Variants in FABP7 observed in about 807,000 individuals in gnomAD.
FABP7 encodes the protein fatty acid-binding protein, brain.
A neutral mutation model predicts 14.2 loss-of-function variants in FABP7; 13 were observed. The observed-to-expected ratio is 0.91, with a 90% CI of 0.59 to 1.45. FABP7 has a LOEUF of 1.45. FABP7 is among the 40% of genes most tolerant of loss of function. The probability of loss-of-function intolerance (pLI) is 0.00; values close to 1 mark genes in which losing one functional copy is unlikely to be tolerated. For synonymous variants in FABP7, 49 were observed against 51.4 expected, an observed-to-expected ratio of 0.95 and a Z score of 0.20; for missense variants, 149 against 157.6, an observed-to-expected ratio of 0.95 and a Z score of 0.29.
In FABP7 at chr6:122,780,454, A is replaced by G; in HGVS notation, c.237A>G (p.Arg79=). 3 of 1,612,102 alleles carry G rather than the reference A, an allele frequency of 1.9e-6. No individual in the cohort carries two copies. Among genetic ancestry groups the G allele is most frequent in the Non-Finnish European group, 2.5e-6 (3 of 1,179,556 alleles). ...TTGATGAAACCACTGCAGATGATAG[A>G]AACTGTAAGGTGAGAAACTGCTTCT... is the stretch of plus-strand genomic sequence containing the variant. ...EEFDETTADD[R]NCKSVVSLDG... The change falls in exon 2 of 4, where the codon AGA becomes AGG. Residue 79 remains arginine (R), a synonymous_variant. Coordinates refer to ENST00000368444, the MANE Select transcript of FABP7 (RefSeq NM_001446.5).
the FABP7 span, among the ~76,000 whole-genome samples, chr6:122,750,855 G>A: frequency 6.6e-6 from 1 of 152,336 alleles, no homozygotes; most frequent in South Asian, 2.1e-4. Flanking sequence ...AAAGTTGAGA[G>A]ACTACGCTGA....
chr6:122,782,671 T>G (rs914799231), intron 3 of FABP7: 1 of 985,304 alleles, frequency 1.0e-6, no homozygotes, highest in Non-Finnish European at 1.2e-6. Context: ...ATGCTTTACA[T>G]AGTCCTTGTA....
the FABP7 span, among the ~76,000 whole-genome samples, chr6:122,758,747 C>T: frequency 1.3e-5 from 2 of 152,110 alleles, no homozygotes; most frequent in Admixed American, 1.3e-4. Flanking sequence ...CTTATGTCAT[C>T]TTCATCTCAT....
At chr6:122,760,129 C>T in the FABP7 span, among the ~76,000 whole-genome samples, 1 of 152,014 alleles carries the variant, frequency 6.6e-6, no homozygotes, top group Non-Finnish European at 1.5e-5. Context: ...ATTTACATAC[C>T]ATAATTGTAC....
At chr6:122,774,359 C>CAAAA in the FABP7 span, among the ~76,000 whole-genome samples, 34 of 66,638 alleles carry the variant, frequency 5.1e-4, 3 homozygotes, top group African/African-American at 2.1e-3. Flanking sequence ...TAGACTCTGT[C>CAAAA]AAAAAAAAAA....
upstream of FABP7, among the ~76,000 whole-genome samples, chr6:122,778,029 T>C (rs1157681152): frequency 6.6e-6 from 1 of 152,106 alleles, no homozygotes; most frequent in East Asian, 1.9e-4. Context: ...CTTCCATGTA[T>C]TGATTTACGT....
At chr6:122,779,332 T>A (rs1320127789), upstream of FABP7, 1 of 162,408 alleles carries the variant, frequency 6.2e-6, no homozygotes, top group Non-Finnish European at 1.4e-5. Context: ...TTAACGGAAA[T>A]CAATCTGAAT....
At chr6:122,779,699 G>T (rs1393081569), upstream of FABP7, 7 of 1,153,104 alleles carry the variant, frequency 6.1e-6, no homozygotes, top group East Asian at 1.7e-4. Flanking sequence ...AAGAAGGCAG[G>T]AGCTGCTTGC....
At chr6:122,751,985 G>A in the FABP7 span, among the ~76,000 whole-genome samples, 1 of 152,004 alleles carries the variant, frequency 6.6e-6, no homozygotes, top group African/African-American at 2.4e-5. Context: ...ATTCTCTCAG[G>A]CCCATTGTTT....
chr6:122,767,541 G>A, the FABP7 span, among the ~76,000 whole-genome samples: 97,499 of 151,956 alleles, frequency 0.64, 34,389 homozygotes, highest in Non-Finnish European at 0.82. Flanking sequence ...ATATTCAAAA[G>A]TGAATTTAAA....
upstream of FABP7, chr6:122,779,485 A>G: frequency 6.0e-6 from 2 of 332,442 alleles, no homozygotes; most frequent in Non-Finnish European, 5.6e-6. Context: ...TTTCTCAGGC[A>G]TAAGGGCTGT....
chr6:122,781,649 T>G (rs1780788399), intron 3 of FABP7: 1 of 1,049,198 alleles, frequency 9.5e-7, no homozygotes, highest in Non-Finnish European at 1.1e-6. Context: ...ATTTATAAAG[T>G]TACACAAGTT....
At chr6:122,765,493 C>A in the FABP7 span, among the ~76,000 whole-genome samples, 1 of 151,718 alleles carries the variant, frequency 6.6e-6, no homozygotes, top group Non-Finnish European at 1.5e-5. Context: ...ATTTTATATT[C>A]CAGTTCTTTT....
chr6:122,757,372 A>T, the FABP7 span, among the ~76,000 whole-genome samples: 2 of 152,066 alleles, frequency 1.3e-5, no homozygotes, highest in South Asian at 4.2e-4. Flanking sequence ...GGGGCTGAGT[A>T]GGAATCACCG....
chr6:122,774,593 G>A, the FABP7 span, among the ~76,000 whole-genome samples: 8 of 152,138 alleles, frequency 5.3e-5, no homozygotes, highest in South Asian at 2.1e-4. Flanking sequence ...AAAAATGTCA[G>A]TATATGGAGT....
chr6:122,758,011 C>A, the FABP7 span, among the ~76,000 whole-genome samples: 3 of 151,616 alleles, frequency 2.0e-5, no homozygotes, highest in African/African-American at 7.3e-5. Flanking sequence ...TGGACAGGGG[C>A]AGTCTCACTT....
At chr6:122,777,194 CT>C (rs754055163), upstream of FABP7, among the ~76,000 whole-genome samples, 5 of 152,114 alleles carry the variant, frequency 3.3e-5, no homozygotes, top group Non-Finnish European at 1.5e-5. Context: ...TAGAAAAATA[CT>C]TACACATCCT....
chr6:122,782,498 T>C (rs906946413), intron 3 of FABP7: 6 of 974,918 alleles, frequency 6.2e-6, no homozygotes, highest in Non-Finnish European at 2.4e-6. Context: ...TATAAAATAA[T>C]TAACAAATAA....
At chr6:122,777,483 C>T (rs1041032752), upstream of FABP7, among the ~76,000 whole-genome samples, 1 of 152,082 alleles carries the variant, frequency 6.6e-6, no homozygotes, top group African/African-American at 2.4e-5. Context: ...AGTTTAGACA[C>T]AACTGACAGG....
Sources: gnomAD v4.1 joint callset for allele counts (sites outside exome capture counted in the v4.1 genomes callset) on GRCh38, gnomAD v4.1.1 for gene constraint, MANE v1.5 for transcripts, NCBI Gene and HGNC (gene_info 2026-07-23, HGNC 2026-07-21) for gene names.